The following NPHP4 variants were observed in gnomAD, a reference collection of about 807,000 sequenced individuals.
NPHP4 encodes the protein nephrocystin 4, also known as nephrocystin-4.
In NPHP4, 151 loss-of-function variants were observed where a neutral mutation model predicts 155.8. The ratio of observed to expected loss-of-function variants is 0.97; its 90% CI spans 0.85 to 1.11. The LOEUF (loss-of-function observed/expected upper bound fraction) is 1.11, where lower values mean the gene tolerates loss of function less well. Among genes scored for constraint, NPHP4 ranks in the 50% least tolerant of loss-of-function variants. The pLI is 0.00. For missense variants in NPHP4, 1,956 were observed against 1,925.7 expected (o/e 1.02, Z -0.29); for synonymous variants, 845 against 816.8 (o/e 1.03, Z -0.59).
At position 5,961,694 on chromosome 1, in the gene NPHP4, G is replaced by A. The variant is rs1326450224; in HGVS notation, c.673+100C>T. On this transcript the variant is annotated intron_variant, in intron 6 of 29. Coordinates refer to ENST00000378156, the MANE Select transcript of NPHP4 (RefSeq NM_015102.5). Reference sequence around the variant, plus strand: ...GCTGCTGAGCTGCAGAGGGGCGCTCGGCCCACGCTGCCCCCAGAAGAGCCC... The same window carrying A: ...GCTGCTGAGCTGCAGAGGGGCGCTCAGCCCACGCTGCCCCCAGAAGAGCCC... 2.8e-5 allele frequency: 33 copies of A among 1,170,594 alleles called. 1 individual carries two copies. The highest frequency in any genetic ancestry group is 2.7e-4 in the Middle Eastern group (1 of 3,670). 72.5% of individuals were successfully genotyped at this position (1,170,594 alleles called of 1,614,324 possible).
chr1:5,933,124 A>AT, intron 10 of NPHP4, 23 bp downstream of exon 10: 1 of 1,494,834 alleles, frequency 6.7e-7, no homozygotes, highest in African/African-American at 1.4e-5. Context: ...CCGGAGATGC[A>AT]TAAGAAATAC....
At chr1:5,987,722 C>T (rs565622116) in intron 1 of NPHP4, among the ~76,000 whole-genome samples, 17 of 152,290 alleles carry the variant, frequency 1.1e-4, no homozygotes, top group African/African-American at 3.4e-4. Flanking sequence ...ACAGTCATCC[C>T]CGGGGAAGCC....
intron 19 of NPHP4, chr1:5,879,342 T>C: frequency 2.8e-6 from 1 of 351,260 alleles, no homozygotes; most frequent in Non-Finnish European, 5.6e-6. Context: ...CTGTGAGGCC[T>C]TACATTTTAA....
At chr1:5,868,683 T>A (rs1641547967) in intron 23 of NPHP4, among the ~76,000 whole-genome samples, 2 of 144,840 alleles carry the variant, frequency 1.4e-5, no homozygotes, top group East Asian at 4.3e-4. Flanking sequence ...CACACATGCA[T>A]GTACACATAT....
intron 9 of NPHP4, among the ~76,000 whole-genome samples, chr1:5,943,346 T>A (rs1034127432): frequency 2.0e-5 from 3 of 152,198 alleles, no homozygotes; most frequent in African/African-American, 7.2e-5. Context: ...CAGACTCCAG[T>A]GCCTGGGTGT....
chr1:5,942,060 T>C (rs942981319), intron 9 of NPHP4, among the ~76,000 whole-genome samples: 2 of 152,064 alleles, frequency 1.3e-5, no homozygotes, highest in Admixed American at 1.3e-4. Flanking sequence ...ACAGTGGAGA[T>C]ATCAGCAAAG....
intron 19 of NPHP4, among the ~76,000 whole-genome samples, chr1:5,879,786 CACACACACGCAA>C (rs1472856120): frequency 1.2e-4 from 16 of 134,274 alleles, no homozygotes; most frequent in Non-Finnish European, 1.7e-4. Flanking sequence ...CGCACACACA[CACACACACGCAA>C]ACACACACAC....
chr1:5,967,752 A>AT (rs940153520), intron 4 of NPHP4, among the ~76,000 whole-genome samples: 1 of 151,926 alleles, frequency 6.6e-6, no homozygotes, highest in Non-Finnish European at 1.5e-5. Flanking sequence ...GTCTGGAGAC[A>AT]TTTTTTTTCG....
At chr1:5,875,511 G>A (rs1050970837) in intron 20 of NPHP4, among the ~76,000 whole-genome samples, 6 of 152,198 alleles carry the variant, frequency 3.9e-5, no homozygotes, top group South Asian at 2.1e-4. Flanking sequence ...TGGGCCCAGC[G>A]TCCACAGGAG....
At chr1:5,947,271 G>A in intron 8 of NPHP4, 41 bp from the exon 9 acceptor site, 1 of 1,606,160 alleles carries the variant, frequency 6.2e-7, no homozygotes, top group East Asian at 2.2e-5. Context: ...TAGAGCTCGA[G>A]CTCCCATCCT....
chr1:5,956,068 G>GT (rs924302413), intron 6 of NPHP4, among the ~76,000 whole-genome samples: 1 of 141,692 alleles, frequency 7.1e-6, no homozygotes, highest in Non-Finnish European at 1.5e-5. Flanking sequence ...CTGGGGGGGG[G>GT]GGGTGCAGGG....
At position 5,904,689 on chromosome 1, in the gene NPHP4, C is replaced by T; in HGVS notation, c.2071G>A (p.Ala691Thr). Residue 691 changes from alanine to threonine, a missense_variant, in exon 16 of 30, where the codon GCC becomes ACC. Physicochemically the swap from Ala to Thr is moderately conservative, Grantham distance 58. Coordinates refer to ENST00000378156, the MANE Select transcript of NPHP4 (RefSeq NM_015102.5). ...PRLQLVQLDE[A>T]GQPSSGALTH... The stretch of plus-strand genomic sequence containing the variant: ...AGGGCGCCAGAGCTGGGCTGGCCGG[C>T]CTCATCCAGCTGGACCAGCTGCAGT... The T allele has an allele frequency of 6.2e-7, 1 of 1,614,034 alleles. No homozygotes were observed.
At chr1:5,984,918 G>A (rs1384135058) in intron 2 of NPHP4, among the ~76,000 whole-genome samples, 2 of 152,240 alleles carry the variant, frequency 1.3e-5, no homozygotes, top group East Asian at 3.8e-4. Context: ...CTGGGCAGCT[G>A]GCTTCACTCT....
At chr1:5,914,919 T>TC (rs1019188210) in intron 11 of NPHP4, among the ~76,000 whole-genome samples, 82 of 151,854 alleles carry the variant, frequency 5.4e-4, no homozygotes, top group East Asian at 2.3e-3. Context: ...CAGGTAGACC[T>TC]CCCCCCCGCA....
chr1:5,888,275 G>A, intron 17 of NPHP4: 2 of 921,494 alleles, frequency 2.2e-6, no homozygotes, highest in Non-Finnish European at 2.6e-6. Context: ...AGGCATGTGG[G>A]GGATGACAAC....
chr1:5,945,492 T>C (rs1209861397), intron 9 of NPHP4, among the ~76,000 whole-genome samples: 1 of 152,216 alleles, frequency 6.6e-6, no homozygotes, highest in Non-Finnish European at 1.5e-5. Context: ...TTTCTGCACC[T>C]AATTAGGACT....
chr1:5,863,569 G>C, intron 29 of NPHP4, 164 bp from the exon 30 acceptor site: 1 of 766,622 alleles, frequency 1.3e-6, no homozygotes, highest in African/African-American at 1.7e-5. Context: ...CCCGGTACAA[G>C]GATGGGAACC....
At chr1:5,962,079 T>C (rs1650438381) in intron 5 of NPHP4, 130 bp from the exon 6 acceptor site, 1 of 604,638 alleles carries the variant, frequency 1.7e-6, no homozygotes. Context: ...GAGAGTGAAG[T>C]GGTGCTCTGT....
chr1:5,920,696 T>A (rs1645700883), intron 11 of NPHP4, among the ~76,000 whole-genome samples: 1 of 152,262 alleles, frequency 6.6e-6, no homozygotes, highest in Admixed American at 6.5e-5. Context: ...TGCTTCTTAT[T>A]GATTTGGAGG....
Sources: gnomAD v4.1 joint callset for allele counts (sites outside exome capture counted in the v4.1 genomes callset) on GRCh38, gnomAD v4.1.1 for gene constraint, MANE v1.5 for transcripts, NCBI Gene and HGNC (gene_info 2026-07-23, HGNC 2026-07-21) for gene names.